The following RHOJ variants were observed in gnomAD, a reference collection of about 807,000 sequenced individuals.
RHOJ encodes the protein rho-related GTP-binding protein RhoJ.
A neutral mutation model predicts 23.4 loss-of-function variants in RHOJ; 11 were observed. The observed-to-expected ratio is 0.47, with a 90% CI of 0.30 to 0.78. The LOEUF (loss-of-function observed/expected upper bound fraction) is 0.78. Ranked by LOEUF, RHOJ falls within the 30% of genes least tolerant of loss-of-function variation. RHOJ has a pLI of 0.08. For missense variants in RHOJ, 254 were observed against 273.4 expected, an observed-to-expected ratio of 0.93 and a Z score of 0.50; for synonymous variants, 102 against 102.7, an observed-to-expected ratio of 0.99 and a Z score of 0.04.
chr14:63,249,339 A>G (rs544428645), intron 1 of RHOJ, among the ~76,000 whole-genome samples: 4 of 152,338 alleles, frequency 2.6e-5, no homozygotes, highest in African/African-American at 7.2e-5. Flanking sequence ...GATGCAGTCC[A>G]AGTGTTCTGT....
chr14:63,205,055 A>G lies in RHOJ; in HGVS notation c.178+8A>G, dbSNP rs749285207. The G allele has an allele frequency of 1.2e-6, 2 of 1,610,070 alleles. No homozygotes were observed. Among genetic ancestry groups the G allele is most frequent in the African/African-American group, 2.7e-5 (2 of 74,840 alleles). On this transcript the variant is annotated splice_region_variant and intron_variant, in intron 1 of 4. Coordinates refer to ENST00000316754, the MANE Select transcript of RHOJ (RefSeq NM_020663.5). ...TGTTTGACCACTATGCAGGTAAGAA[A>G]AAGTGGGAAACTCTCTGCATCCAGA...
intron 1 of RHOJ, among the ~76,000 whole-genome samples, chr14:63,255,808 A>T (rs1895153620): frequency 6.6e-6 from 1 of 151,908 alleles, no homozygotes; most frequent in Non-Finnish European, 1.5e-5. Flanking sequence ...GAACAGAAGG[A>T]TATTCTGTGT....
intron 3 of RHOJ, among the ~76,000 whole-genome samples, chr14:63,281,899 T>A (rs910583741): frequency 6.6e-6 from 1 of 152,256 alleles, no homozygotes; most frequent in Non-Finnish European, 1.5e-5. Flanking sequence ...CATTGTTATC[T>A]GTTTCATACG....
At position 63,204,756 on chromosome 14, in the gene RHOJ, A is replaced by G; in HGVS notation, c.-114A>G. On this transcript the variant is annotated 5_prime_UTR_variant, in exon 1 of 5. Transcript: ENST00000316754. ...CATGTCTGTATGATCCAAGGTACCC[A>G]AAGTCAGACAGAGTAAACTCAAGCC... The G allele has an allele frequency of 9.4e-7, 1 of 1,061,162 alleles. No individual in the cohort carries two copies. Among genetic ancestry groups the G allele is most frequent in the Non-Finnish European group, 1.4e-6 (1 of 716,900 alleles). The allele number at this position is 1,061,162 out of a possible 1,614,324, so 65.7% of individuals were successfully genotyped here.
rs1882251964 is a variant in RHOJ, at chr14:63,291,492, T to C, written c.*468T>C. 1 of 194,698 alleles carries C rather than the reference T, an allele frequency of 5.1e-6. No individual in the cohort carries two copies. The highest frequency in any genetic ancestry group is 5.3e-5 in the Admixed American group (1 of 18,892). The allele number at this position is 194,698 out of a possible 1,614,324, so 12.1% of individuals were successfully genotyped here. ...GTTCTACCCATGTGTCTCACATTCATTTGTATTATTTCAAGAAATGTACTA... is the reference window on the plus strand; with the variant it reads ...GTTCTACCCATGTGTCTCACATTCACTTGTATTATTTCAAGAAATGTACTA... On this transcript the variant is annotated 3_prime_UTR_variant, in exon 5 of 5. Transcript: ENST00000316754.
rs142789164 is a variant in RHOJ, at chr14:63,265,541, T to C, written c.179-3569T>C. ...ATTCCACATGAAATTTAGAATAGTA[T>C]TTCCTAATTCTGTAAAAATGACATT... On this transcript the variant is annotated intron_variant, in intron 1 of 4. Coordinates refer to ENST00000316754, the MANE Select transcript of RHOJ (RefSeq NM_020663.5). 4.6e-5 allele frequency among the ~76,000 whole-genome samples: 7 copies of C among 152,378 alleles called. No homozygotes were observed. In the East Asian group the frequency reaches 1.3e-3, roughly 29 times the overall value.
At chr14:63,231,114 C>T (rs1484892630) in intron 1 of RHOJ, among the ~76,000 whole-genome samples, 2 of 152,116 alleles carry the variant, frequency 1.3e-5, no homozygotes, top group Non-Finnish European at 2.9e-5. Flanking sequence ...GTCTCAAACT[C>T]CTGACCTCAG....
chr14:63,268,550 A>C (rs1429049006), intron 1 of RHOJ, among the ~76,000 whole-genome samples: 1 of 152,242 alleles, frequency 6.6e-6, no homozygotes, highest in Non-Finnish European at 1.5e-5. Context: ...AATTTTAAAA[A>C]ACTTTTCAAA....
chr14:63,239,964 A>G (rs1280872417), intron 1 of RHOJ, among the ~76,000 whole-genome samples: 2 of 152,210 alleles, frequency 1.3e-5, no homozygotes, highest in Non-Finnish European at 2.9e-5. Flanking sequence ...TCTGAATCTC[A>G]CTATTTCTAA....
chr14:63,259,418 T>G (rs1895235193), intron 1 of RHOJ, among the ~76,000 whole-genome samples: 1 of 152,228 alleles, frequency 6.6e-6, no homozygotes, highest in Non-Finnish European at 1.5e-5. Context: ...AGTGCATCCT[T>G]TCACCAGCTT....
chr14:63,225,192 C>T (rs1894569359), intron 1 of RHOJ, among the ~76,000 whole-genome samples: 1 of 152,142 alleles, frequency 6.6e-6, no homozygotes, highest in Non-Finnish European at 1.5e-5. Flanking sequence ...ACCTCGTGAT[C>T]TGTCCGCCTC....
At chr14:63,213,403 C>T (rs1045237829) in intron 1 of RHOJ, among the ~76,000 whole-genome samples, 1 of 152,144 alleles carries the variant, frequency 6.6e-6, no homozygotes, top group African/African-American at 2.4e-5. Flanking sequence ...TTTTCTGTTT[C>T]TATGTTACTT....
intron 1 of RHOJ, among the ~76,000 whole-genome samples, chr14:63,237,373 A>G (rs190745322): frequency 5.3e-5 from 8 of 152,310 alleles, no homozygotes; most frequent in African/African-American, 1.9e-4. Flanking sequence ...TAAAAAGAAT[A>G]ATTTTCTTTA....
chr14:63,213,604 T>TCTTTG, intron 1 of RHOJ, among the ~76,000 whole-genome samples: 1 of 152,188 alleles, frequency 6.6e-6, no homozygotes, highest in East Asian at 1.9e-4. Flanking sequence ...ACATGTAAGT[T>TCTTTG]CATGTGTCTT....
chr14:63,272,911 T>C (rs1218175651), intron 2 of RHOJ, among the ~76,000 whole-genome samples: 2 of 152,148 alleles, frequency 1.3e-5, no homozygotes, highest in Non-Finnish European at 2.9e-5. Flanking sequence ...TAATCCCAGC[T>C]ACTTGGGGGG....
At chr14:63,251,942 AAAATCCC>A (rs1171118079) in intron 1 of RHOJ, among the ~76,000 whole-genome samples, 4 of 152,046 alleles carry the variant, frequency 2.6e-5, no homozygotes. Flanking sequence ...TCATCATGGC[AAAATCCC>A]ATCTCTACTA....
intron 2 of RHOJ, among the ~76,000 whole-genome samples, chr14:63,273,584 CA>C (rs1182829539): frequency 1.3e-5 from 2 of 152,214 alleles, no homozygotes. Flanking sequence ...GGCTCTTTCC[CA>C]GGTTATGGCT....
At chr14:63,237,371 A>G (rs1894808309) in intron 1 of RHOJ, among the ~76,000 whole-genome samples, 1 of 152,260 alleles carries the variant, frequency 6.6e-6, no homozygotes, top group Non-Finnish European at 1.5e-5. Flanking sequence ...TTTAAAAAGA[A>G]TAATTTTCTT....
chr14:63,235,821 A>T (rs375229440), intron 1 of RHOJ, among the ~76,000 whole-genome samples: 44 of 152,320 alleles, frequency 2.9e-4, no homozygotes, highest in African/African-American at 9.9e-4. Flanking sequence ...AAATCAGAAA[A>T]TTGAATTTGC....
Sources: gnomAD v4.1 joint callset for allele counts (sites outside exome capture counted in the v4.1 genomes callset) on GRCh38, gnomAD v4.1.1 for gene constraint, MANE v1.5 for transcripts, NCBI Gene and HGNC (gene_info 2026-07-23, HGNC 2026-07-21) for gene names.